The following NSMAF variants were observed in gnomAD, a reference collection of about 807,000 sequenced individuals.
NSMAF encodes protein FAN.
In NSMAF, 90 loss-of-function variants were observed where a neutral mutation model predicts 134.9. That is an observed-to-expected ratio of 0.67 (90% CI 0.56 to 0.79). NSMAF has a LOEUF of 0.79. Among genes scored for constraint, NSMAF ranks in the 30% least tolerant of loss-of-function variants. The pLI is 0.00. For missense variants in NSMAF, 1,010 were observed against 1,119.0 expected (o/e 0.90, Z 1.39); for synonymous variants, 358 against 389.6 (o/e 0.92, Z 0.96).
At chr8:58,612,929 C>T (rs550285140) in intron 9 of NSMAF, among the ~76,000 whole-genome samples, 5 of 152,142 alleles carry the variant, frequency 3.3e-5, no homozygotes, top group Admixed American at 3.3e-4. Flanking sequence ...GAATGACAAT[C>T]TTTAAAGGGG....
rs1585724561 is a variant in NSMAF at position 58,589,456 on chromosome 8, A to C, written c.2207T>G (p.Val736Gly). 1 of 1,495,842 alleles carries C rather than the reference A, an allele frequency of 6.7e-7. No homozygotes were observed. The highest frequency in any genetic ancestry group is 8.8e-7 in the Non-Finnish European group (1 of 1,130,968). 92.7% of individuals were successfully genotyped at this position (1,495,842 alleles called of 1,614,324 possible). ...CTTTTTAAATTATATATGAACCTTCACTGTAGAGTCCCACGATGCAGAATA... is the reference window on the plus strand; with the variant it reads ...CTTTTTAAATTATATATGAACCTTCCCTGTAGAGTCCCACGATGCAGAATA... ...RLYSASWDST[V>G]KVWSGVPAEM... The change falls in exon 26 of 31, where the codon GTG (valine) becomes GGG (glycine). Residue 736 changes from valine to glycine, a missense_variant. Physicochemically the swap from Val to Gly is moderately radical, Grantham distance 109 (BLOSUM62 -3). Transcript: ENST00000038176.
At chr8:58,647,834 T>C (rs1340226345) in intron 1 of NSMAF, among the ~76,000 whole-genome samples, 1 of 152,156 alleles carries the variant, frequency 6.6e-6, no homozygotes, top group Non-Finnish European at 1.5e-5. Flanking sequence ...GGAATTTCTT[T>C]ATAGCAAAAC....
chr8:58,656,898 T>C (rs1341725127), intron 1 of NSMAF, among the ~76,000 whole-genome samples: 1 of 152,170 alleles, frequency 6.6e-6, no homozygotes, highest in Non-Finnish European at 1.5e-5. Context: ...TGCATTTACT[T>C]ATACTAAAAA....
intron 9 of NSMAF, among the ~76,000 whole-genome samples, chr8:58,614,443 G>A (rs1806608640): frequency 6.6e-6 from 1 of 152,194 alleles, no homozygotes; most frequent in Non-Finnish European, 1.5e-5. Flanking sequence ...CTGAGTTACG[G>A]CCACCTGGGT....
chr8:58,642,548 A>G (rs996804022), intron 2 of NSMAF, among the ~76,000 whole-genome samples: 7 of 152,316 alleles, frequency 4.6e-5, no homozygotes, highest in African/African-American at 1.7e-4. Context: ...ACTTTATAAC[A>G]TTGTCACCCG....
intron 10 of NSMAF, among the ~76,000 whole-genome samples, chr8:58,608,853 T>C (rs919857326): frequency 6.6e-6 from 1 of 152,202 alleles, no homozygotes; most frequent in African/African-American, 2.4e-5. Flanking sequence ...GGTGGAACTT[T>C]CTCTGGCAGA....
intron 9 of NSMAF, among the ~76,000 whole-genome samples, chr8:58,618,478 C>T (rs1013856165): frequency 1.3e-5 from 2 of 151,538 alleles, no homozygotes; most frequent in Non-Finnish European, 2.9e-5. Context: ...GGAGGATATC[C>T]TTCTAACAAG....
chr8:58,643,954 G>T (rs577337359), intron 1 of NSMAF, among the ~76,000 whole-genome samples: 3 of 152,176 alleles, frequency 2.0e-5, no homozygotes, highest in Non-Finnish European at 4.4e-5. Context: ...AAAGTTGAAA[G>T]TCATTTAAAC....
chr8:58,605,878 T>G, intron 12 of NSMAF, 49 bp downstream of exon 12: 2 of 1,318,602 alleles, frequency 1.5e-6, no homozygotes, highest in Non-Finnish European at 9.9e-7. Flanking sequence ...AGACTCAGCC[T>G]CCAAAAAAAA....
At chr8:58,646,154 C>A (rs921102803) in intron 1 of NSMAF, among the ~76,000 whole-genome samples, 17 of 152,274 alleles carry the variant, frequency 1.1e-4, no homozygotes, top group African/African-American at 4.1e-4. Flanking sequence ...CTTTTATTGA[C>A]CTGTCCTCCA....
chr8:58,586,382 T>G (rs1805885375), intron 28 of NSMAF, 76 bp downstream of exon 28: 1 of 1,392,946 alleles, frequency 7.2e-7, no homozygotes, highest in African/African-American at 1.5e-5. Flanking sequence ...ATTGTTTATT[T>G]CAAAATTAAC....
At position 58,607,811 on chromosome 8, in the gene NSMAF, ATC is replaced by A. The variant is rs755236500; in HGVS notation, c.715_716del (p.Asp239CysfsTer24). On this transcript the variant is annotated frameshift_variant, in exon 11 of 31. Coordinates refer to ENST00000038176, the MANE Select transcript of NSMAF (RefSeq NM_003580.4). LOFTEE classifies it high-confidence loss of function. ...PKPVVQITLQ[D>X]VRRIYKRRHG... ...GCCTCCTTTTGTAGATGCGGCGGAC[ATC>A]TTGGAGTGTTATCTGGACCACAGGT... 1 of 1,614,204 alleles carries A rather than the reference ATC, an allele frequency of 6.2e-7. No homozygotes were observed. Among genetic ancestry groups the A allele is most frequent in the Non-Finnish European group, 8.5e-7 (1 of 1,180,010 alleles).
chr8:58,609,975 AG>A (rs1167134741), intron 9 of NSMAF, among the ~76,000 whole-genome samples: 2 of 152,184 alleles, frequency 1.3e-5, no homozygotes, highest in African/African-American at 4.8e-5. Flanking sequence ...ATGACAGACA[AG>A]TAAATAATAC....
At chr8:58,614,957 T>A (rs989574455) in intron 9 of NSMAF, among the ~76,000 whole-genome samples, 6 of 152,096 alleles carry the variant, frequency 3.9e-5, no homozygotes, top group African/African-American at 7.2e-5. Flanking sequence ...GTATATATAT[T>A]TTTTAAAACA....
At chr8:58,604,513 T>A (rs1806358772) in intron 12 of NSMAF, among the ~76,000 whole-genome samples, 1 of 148,332 alleles carries the variant, frequency 6.7e-6, no homozygotes. Context: ...ATACTAGCTA[T>A]ATATAACTAT....
In NSMAF at chr8:58,599,744, A is replaced by G. The variant is rs747257969; in HGVS notation, c.1453+6T>C. ...TATAATACAACACCTCCAAGGGGGG[A>G]CTCACTGGAAGCCCAAGGGGGAAGC... On this transcript the variant is annotated splice_donor_region_variant and intron_variant, in intron 18 of 30. Transcript: ENST00000038176. 3 of 1,612,994 alleles carry G rather than the reference A, an allele frequency of 1.9e-6. No homozygotes were observed. The highest frequency in any genetic ancestry group is 2.2e-5 in the East Asian group (1 of 44,864).
intron 9 of NSMAF, among the ~76,000 whole-genome samples, chr8:58,617,128 C>T (rs1237773407): frequency 6.6e-6 from 1 of 152,046 alleles, no homozygotes; most frequent in Non-Finnish European, 1.5e-5. Flanking sequence ...TTAAGGAAGA[C>T]TTTTGGGGTA....
chr8:58,589,783 C>T (rs1017371578), intron 25 of NSMAF: 3 of 630,558 alleles, frequency 4.8e-6, no homozygotes, highest in African/African-American at 1.9e-5. Flanking sequence ...TCTGTTTTCT[C>T]CTCAATTTAA....
At chr8:58,654,560 AAAAAG>A (rs1807661347) in intron 1 of NSMAF, among the ~76,000 whole-genome samples, 1 of 152,228 alleles carries the variant, frequency 6.6e-6, no homozygotes, top group African/African-American at 2.4e-5. Context: ...CAAAAAAGAA[AAAAAG>A]AAAGAAAGTT....
Sources: allele counts gnomAD v4.1 joint callset (sites outside exome capture counted in the v4.1 genomes callset), GRCh38; gene constraint gnomAD v4.1.1; transcripts MANE v1.5; gene names NCBI Gene and HGNC (gene_info 2026-07-23, HGNC 2026-07-21).